SAMSN1: variants seen among roughly 807,000 people sequenced by gnomAD.
SAMSN1 encodes SAM domain, SH3 domain and nuclear localization signals 1.
In SAMSN1, 31 loss-of-function variants were observed where a neutral mutation model predicts 42.0. The ratio of observed to expected loss-of-function variants is 0.74; its 90% CI spans 0.55 to 1.00. The LOEUF is 1.00. Among genes scored for constraint, SAMSN1 ranks in the 50% least tolerant of loss-of-function variants. SAMSN1 has a pLI of 0.00. For missense variants in SAMSN1, 464 were observed against 439.4 expected, an observed-to-expected ratio of 1.06 and a Z score of -0.50; for synonymous variants, 178 against 151.9, an observed-to-expected ratio of 1.17 and a Z score of -1.26.
chr21:14,518,438 G>A (rs533905220), intron 2 of SAMSN1, among the ~76,000 whole-genome samples: 73 of 121,680 alleles, frequency 6.0e-4, no homozygotes, highest in African/African-American at 2.3e-3. Context: ...CATGTAGAAC[G>A]TTGCAGATTT....
intron 2 of SAMSN1, among the ~76,000 whole-genome samples, chr21:14,636,846 A>G (rs1002275737): frequency 6.6e-6 from 1 of 152,154 alleles, no homozygotes; most frequent in Non-Finnish European, 1.5e-5. Flanking sequence ...CCTGGGCGAC[A>G]GAGCGAGATT....
chr21:14,614,829 G>A (rs113778760), intron 3 of SAMSN1, among the ~76,000 whole-genome samples: 1 of 144,296 alleles, frequency 6.9e-6, no homozygotes, highest in African/African-American at 2.7e-5. Flanking sequence ...CCAAAAAAAA[G>A]AAATTAAGGA....
intron 7 of SAMSN1, among the ~76,000 whole-genome samples, chr21:14,493,720 A>G (rs1986793814): frequency 6.6e-6 from 1 of 152,202 alleles, no homozygotes; most frequent in Non-Finnish European, 1.5e-5. Flanking sequence ...CAAAATAAAC[A>G]GATCCTGCTC....
chr21:14,551,900 A>G (rs1035271005), intron 2 of SAMSN1, among the ~76,000 whole-genome samples: 7 of 152,052 alleles, frequency 4.6e-5, no homozygotes, highest in African/African-American at 9.7e-5. Flanking sequence ...GCTCATAACC[A>G]TCACTCTATG....
At chr21:14,569,979 C>T (rs1215250317) in intron 2 of SAMSN1, among the ~76,000 whole-genome samples, 1 of 119,384 alleles carries the variant, frequency 8.4e-6, no homozygotes, top group African/African-American at 3.8e-5. Context: ...TGTCTTTAAC[C>T]ACTTTCCCCC....
intron 1 of SAMSN1, among the ~76,000 whole-genome samples, chr21:14,534,105 T>C (rs771948120): frequency 2.0e-5 from 3 of 152,208 alleles, no homozygotes; most frequent in Non-Finnish European, 4.4e-5. Context: ...CTTTGTTTTG[T>C]TGTGGGTGTT....
At chr21:14,563,516 T>G (rs1981011219) in intron 2 of SAMSN1, among the ~76,000 whole-genome samples, 1 of 152,102 alleles carries the variant, frequency 6.6e-6, no homozygotes, top group African/African-American at 2.4e-5. Context: ...AAGTTAAGGC[T>G]CAAAAAAGAG....
chr21:14,644,491 C>T (rs1338717225), intron 1 of SAMSN1, among the ~76,000 whole-genome samples: 1 of 152,070 alleles, frequency 6.6e-6, no homozygotes, highest in East Asian at 1.9e-4. Flanking sequence ...AACCGAAGAG[C>T]CCTTGGGCCC....
At chr21:14,524,856 C>T (rs1242782532) in intron 1 of SAMSN1, among the ~76,000 whole-genome samples, 1 of 151,962 alleles carries the variant, frequency 6.6e-6, no homozygotes, top group African/African-American at 2.4e-5. Context: ...GAGAAAAGTG[C>T]AATATATTGA....
intron 2 of SAMSN1, among the ~76,000 whole-genome samples, chr21:14,622,429 G>A (rs1420803367): frequency 6.6e-6 from 1 of 152,226 alleles, no homozygotes; most frequent in South Asian, 2.1e-4. Context: ...GTCCTTAAAT[G>A]ACCTGATGGA....
At chr21:14,536,675 T>C (rs965458273) in intron 1 of SAMSN1, among the ~76,000 whole-genome samples, 4 of 152,042 alleles carry the variant, frequency 2.6e-5, no homozygotes, top group African/African-American at 9.7e-5. Context: ...TGGAAAATTA[T>C]ATGTTTAAGA....
chr21:14,619,867 AG>A lies in SAMSN1; in HGVS notation c.157-3852del, dbSNP rs1340474666. Reference sequence around the variant, plus strand: ...GTAATAAACTGGAGGGAATTTAGAAAGGCCTGTTTGTTCAGCTTCCTCTTGG... The same window carrying A: ...GTAATAAACTGGAGGGAATTTAGAAAGCCTGTTTGTTCAGCTTCCTCTTGG... On this transcript the variant is annotated intron_variant, in intron 2 of 15. Transcript: ENST00000647101. 7.9e-5 allele frequency among the ~76,000 whole-genome samples: 12 copies of A among 152,292 alleles called. No individual in the cohort carries two copies. The South Asian group carries it at 2.3e-3, about 29-fold the overall frequency.
At chr21:14,648,899 A>G (rs1983771724) in intron 1 of SAMSN1, among the ~76,000 whole-genome samples, 2 of 151,744 alleles carry the variant, frequency 1.3e-5, no homozygotes, top group African/African-American at 4.8e-5. Flanking sequence ...ATACCATTTG[A>G]CCCAGCCATC....
intron 1 of SAMSN1, among the ~76,000 whole-genome samples, chr21:14,657,094 T>C (rs1267464433): frequency 1.3e-5 from 2 of 151,840 alleles, no homozygotes; most frequent in Non-Finnish European, 2.9e-5. Context: ...AACAGCACAG[T>C]AGGGTGTCAC....
At chr21:14,561,902 G>T (rs751919909) in intron 2 of SAMSN1, among the ~76,000 whole-genome samples, 2 of 152,122 alleles carry the variant, frequency 1.3e-5, no homozygotes, top group Non-Finnish European at 2.9e-5. Context: ...AATGCCCAGG[G>T]CTATCAGAAG....
rs747523182 is a variant in SAMSN1, at chr21:14,512,438, C to T, written c.409+6G>A. On this transcript the variant is annotated splice_donor_region_variant and intron_variant, in intron 4 of 7. Transcript: ENST00000400566. ...CAGGATCTTGTCCCTGATTCATTAG[C>T]CTTACTTGATGAGCTCTGTCCACTG... 1 of 1,613,266 alleles carries T rather than the reference C, an allele frequency of 6.2e-7. No homozygotes were observed. The highest frequency in any genetic ancestry group is 8.5e-7 in the Non-Finnish European group (1 of 1,179,358).
chr21:14,533,848 G>C (rs2049904916), intron 1 of SAMSN1, among the ~76,000 whole-genome samples: 1 of 152,192 alleles, frequency 6.6e-6, no homozygotes, highest in Non-Finnish European at 1.5e-5. Context: ...CAATTAAGTG[G>C]TATTAAGACT....
At chr21:14,595,875 A>G (rs898977797) in intron 6 of SAMSN1, among the ~76,000 whole-genome samples, 2 of 152,176 alleles carry the variant, frequency 1.3e-5, no homozygotes, top group Non-Finnish European at 2.9e-5. Flanking sequence ...TTTTTGACAC[A>G]GTATATAAGA....
intron 1 of SAMSN1, among the ~76,000 whole-genome samples, chr21:14,657,854 T>C (rs1983941037): frequency 1.3e-5 from 2 of 151,858 alleles, no homozygotes; most frequent in African/African-American, 2.4e-5. Context: ...CCCCTTATCT[T>C]GGCTTAAAAT....
Sources: gnomAD v4.1 joint callset for allele counts (sites outside exome capture counted in the v4.1 genomes callset) on GRCh38, gnomAD v4.1.1 for gene constraint, MANE v1.5 for transcripts, NCBI Gene and HGNC (gene_info 2026-07-23, HGNC 2026-07-21) for gene names.